The following S100A10 variants were observed in gnomAD, a reference collection of about 807,000 sequenced individuals.
S100A10 encodes the protein S100 calcium binding protein A10, also known as protein S100-A10.
Under a neutral mutation model 7.1 loss-of-function variants are expected in S100A10, and 3 were observed. That is an observed-to-expected ratio of 0.42 (90% CI 0.19 to 1.10). S100A10 has a LOEUF of 1.10. S100A10 is among the 50% of genes least tolerant of loss of function. The probability of loss-of-function intolerance (pLI) is 0.29; values close to 1 mark genes in which losing one functional copy is unlikely to be tolerated. For synonymous variants in S100A10, 41 were observed against 39.3 expected (o/e 1.04, Z -0.16); for missense variants, 101 against 118.1 (o/e 0.86, Z 0.67).
chr1:151,984,675 C>A (rs988774828), intron 2 of S100A10, among the ~76,000 whole-genome samples: 4 of 152,230 alleles, frequency 2.6e-5, no homozygotes, highest in Non-Finnish European at 5.9e-5. Flanking sequence ...ACACTCTTAA[C>A]AAGTGTTTAG....
intron 1 of S100A10, among the ~76,000 whole-genome samples, chr1:151,991,545 T>G (rs1232646515): frequency 1.3e-5 from 2 of 152,258 alleles, no homozygotes; most frequent in Admixed American, 1.3e-4. Context: ...TAGAAAGTGC[T>G]GAAAATTGTT....
rs386368314 is a variant in S100A10, at chr1:151,987,027, C to CTTTT, written c.-21-780_-21-777dup. Among the ~76,000 whole-genome samples, 114 of 83,540 alleles carry CTTTT rather than the reference C, an allele frequency of 1.4e-3. 7 individuals carry two copies. The highest frequency in any genetic ancestry group is 1.8e-3 in the Non-Finnish European group (88 of 47,612). 54.8% of individuals were successfully genotyped at this position (83,540 alleles called of 152,430 possible). ...TTAGAAAAGCAACATCAGTGTTCCT[C>CTTTT]TTTTTTTTTTTTTTTTTTTTTTTTT... On this transcript the variant is annotated intron_variant, in intron 1 of 2. Transcript: ENST00000368811.
intron 2 of S100A10, among the ~76,000 whole-genome samples, chr1:151,985,530 T>C (rs965952431): frequency 1.3e-5 from 2 of 152,220 alleles, no homozygotes; most frequent in Non-Finnish European, 2.9e-5. Flanking sequence ...TATGTGGCTT[T>C]TATTCAGTAG....
rs1655735486 is a variant in S100A10, at chr1:151,983,337, AG to A, written c.133-14del. On this transcript the variant is annotated splice_polypyrimidine_tract_variant and intron_variant, in intron 2 of 2. Transcript: ENST00000368811. ...GGTCTTTTTGATTCTGAAAAAAAAA[AG>A]AACAAAGGCAAGAAATAGAAGTCAA... 1.3e-5 allele frequency: 19 copies of A among 1,516,040 alleles called. No individual in the cohort carries two copies. Among genetic ancestry groups the A allele is most frequent in the African/African-American group, 4.2e-5 (3 of 71,236 alleles). The allele number at this position is 1,516,040 out of a possible 1,614,324, so 93.9% of individuals were successfully genotyped here. A position where few individuals can be genotyped will look rare whatever the true frequency, so the allele number is the denominator to read the frequency against.
chr1:151,983,245 C>A lies in S100A10; in HGVS notation c.212G>T (p.Ser71Ile), dbSNP rs1372220644. Residue 71 changes from serine (S) to isoleucine (I), a missense_variant, in exon 3 of 3, where the codon AGC becomes ATC. Physicochemically the swap from Ser to Ile is moderately radical, Grantham distance 142 (BLOSUM62 -2). Transcript: ENST00000368811. ...QCRDGKVGFQ[S>I]FFSLIAGLTI... ...GAGGCCCGCAATTAGGGAAAAGAAGCTCTGGAAGCCCACTTTGCCATCTCT... is the reference window on the plus strand; with the variant it reads ...GAGGCCCGCAATTAGGGAAAAGAAGATCTGGAAGCCCACTTTGCCATCTCT... 6.2e-7 allele frequency: 1 copy of A among 1,606,292 alleles called. No individual in the cohort carries two copies.
intron 2 of S100A10, 59 bp from the exon 3 acceptor site, chr1:151,983,383 A>G: frequency 7.5e-6 from 9 of 1,203,448 alleles, no homozygotes; most frequent in Non-Finnish European, 1.0e-5. Flanking sequence ...TGAGGAGCTT[A>G]TTTGATTTGT....
chr1:151,984,679 T>C (rs980934565), intron 2 of S100A10, among the ~76,000 whole-genome samples: 1 of 152,202 alleles, frequency 6.6e-6, no homozygotes, highest in Admixed American at 6.5e-5. Context: ...TCTTAACAAG[T>C]GTTTAGTGTA....
intron 1 of S100A10, among the ~76,000 whole-genome samples, chr1:151,991,994 T>C (rs77878958): frequency 0.033 from 4,967 of 152,110 alleles, 84 homozygotes; most frequent in African/African-American, 0.047. Flanking sequence ...ACCAAAAAAA[T>C]TGTAAGAACC....
rs772205456 is a variant in S100A10 at position 151,986,119 on chromosome 1, C to A, written c.112G>T (p.Glu38Ter). The A allele has an allele frequency of 1.3e-6, 2 of 1,598,470 alleles. No homozygotes were observed. Among genetic ancestry groups the A allele is most frequent in the African/African-American group, 2.7e-5 (2 of 73,672 alleles). ...KEDLRVLMEK[E>*]FPGFLENQKD... ...CTTACTTCCAAAAATCCAGGGAACT[C>A]CTTTTCCATGAGTACTCTCAGGTCC... is the stretch of plus-strand genomic sequence containing the variant. Residue 38 changes from glutamate (E) to a stop codon, truncating the protein, a stop_gained, in exon 2 of 3, where the codon GAG becomes TAG. Transcript: ENST00000368811. LOFTEE classifies it high-confidence loss of function.
chr1:151,988,887 T>C (rs781609950), intron 1 of S100A10, among the ~76,000 whole-genome samples: 5 of 152,132 alleles, frequency 3.3e-5, no homozygotes, highest in Non-Finnish European at 5.9e-5. Flanking sequence ...CCCACCCCAG[T>C]TCTTAAATAA....
intron 1 of S100A10, chr1:151,992,567 C>T (rs371496528): frequency 2.0e-5 from 3 of 152,206 alleles, no homozygotes; most frequent in Admixed American, 2.0e-4. Context: ...TTCTCCTTTT[C>T]CTTCAGGGAG....
In S100A10 at chr1:151,983,146, G is replaced by A. The variant is rs192973937; in HGVS notation, c.*17C>T. 101 of 1,534,856 alleles carry A rather than the reference G, an allele frequency of 6.6e-5. No individual in the cohort carries two copies. The Middle Eastern group carries it at 8.8e-4, about 13-fold the overall frequency. On this transcript the variant is annotated 3_prime_UTR_variant, in exon 3 of 3. Transcript: ENST00000368811. ...GGGACAACTCTTATCAGGGAGGAGC[G>A]AACTGCTCATTTCTGCCTACTTCTT...
At chr1:151,986,443 A>C (rs1037793921) in intron 1 of S100A10, among the ~76,000 whole-genome samples, 192 bp from the exon 2 acceptor site, 1 of 152,248 alleles carries the variant, frequency 6.6e-6, no homozygotes, top group African/African-American at 2.4e-5. Context: ...TCCCATAGTT[A>C]GCACTTCTGT....
chr1:151,993,444 G>C lies in S100A10; in HGVS notation c.-22+308C>G, dbSNP rs940529432. Among the ~76,000 whole-genome samples the C allele has an allele frequency of 6.6e-6, 1 of 152,214 alleles. No homozygotes were observed. The highest frequency in any genetic ancestry group is 1.9e-4 in the East Asian group (1 of 5,184). ...GTAGGAAAGGTGGGAGTAAAGCAAC[G>C]CAAACATAAAGGGAGGAGGGAAGAG... On this transcript the variant is annotated intron_variant, in intron 1 of 2. Transcript: ENST00000368811. The surrounding 1 kb of genome is among the most constrained non-coding windows in gnomAD (Gnocchi z 5.1).
rs1655943826 is a variant in S100A10 at position 151,993,197 on chromosome 1, AGG to A, written c.-22+553_-22+554del. Reference sequence around the variant, plus strand: ...AGACCCTTTCCGTCGAGCAGACAACAGGAAGCCCCGACCAGAAACGCCTGTTT... The same window carrying A: ...AGACCCTTTCCGTCGAGCAGACAACAAAGCCCCGACCAGAAACGCCTGTTT... On this transcript the variant is annotated intron_variant, in intron 1 of 2. Transcript: ENST00000368811. The surrounding 1 kb of genome is among the most constrained non-coding windows in gnomAD (Gnocchi z 5.1). Among the ~76,000 whole-genome samples, 1 of 152,178 alleles carries A rather than the reference AGG, an allele frequency of 6.6e-6. No homozygotes were observed. The highest frequency in any genetic ancestry group is 6.5e-5 in the Admixed American group (1 of 15,286).
intron 1 of S100A10, among the ~76,000 whole-genome samples, chr1:151,987,523 G>A (rs1184942117): frequency 6.6e-6 from 1 of 150,422 alleles, no homozygotes; most frequent in Admixed American, 6.7e-5. Flanking sequence ...TTTATCTGCT[G>A]GGTATATATG....
chr1:151,989,278 C>G (rs935603167), intron 1 of S100A10, among the ~76,000 whole-genome samples: 4 of 152,086 alleles, frequency 2.6e-5, no homozygotes, highest in African/African-American at 9.7e-5. Context: ...TACGAAGTGA[C>G]GGAGCTTCCT....
Sources: allele counts gnomAD v4.1 joint callset (sites outside exome capture counted in the v4.1 genomes callset), GRCh38; gene constraint gnomAD v4.1.1; non-coding constraint Gnocchi (gnomAD v3.1); transcripts MANE v1.5; gene names NCBI Gene and HGNC (gene_info 2026-07-23, HGNC 2026-07-21).